CCDC171: variants seen among roughly 807,000 people sequenced by gnomAD.
CCDC171 encodes the protein coiled-coil domain-containing protein 171.
Under a neutral mutation model 168.2 loss-of-function variants are expected in CCDC171, and 177 were observed. The observed-to-expected ratio is 1.05, with a 90% CI of 0.93 to 1.19. The LOEUF (loss-of-function observed/expected upper bound fraction) is 1.19, where lower values mean the gene tolerates loss of function less well. Among genes scored for constraint, CCDC171 ranks in the 50% most tolerant of loss-of-function variants. The probability of loss-of-function intolerance (pLI) is 0.00; values close to 1 mark genes in which losing one functional copy is unlikely to be tolerated. For missense variants in CCDC171, 1,991 were observed against 1,539.0 expected (o/e 1.29, Z -4.91); for synonymous variants, 687 against 540.8 (o/e 1.27, Z -3.75).
chr9:15,697,872 A>G (rs1451033035), intron 11 of CCDC171, among the ~76,000 whole-genome samples: 12 of 152,158 alleles, frequency 7.9e-5, no homozygotes, highest in Non-Finnish European at 1.5e-5. Context: ...TGGATACAGA[A>G]TAATTTTACA....
chr9:15,799,158 A>ATATATATG (rs1554820213), intron 21 of CCDC171, among the ~76,000 whole-genome samples: 8 of 143,946 alleles, frequency 5.6e-5, no homozygotes, highest in Admixed American at 4.2e-4. Context: ...ATATATATAT[A>ATATATATG]TATATATACC....
intron 25 of CCDC171, among the ~76,000 whole-genome samples, chr9:15,966,297 A>G (rs1830779438): frequency 6.6e-6 from 1 of 152,206 alleles, no homozygotes. Flanking sequence ...AACAAAGAGC[A>G]GAATTGGACA....
chr9:15,729,569 T>C, intron 15 of CCDC171, 41 bp from the exon 16 acceptor site: 1 of 1,350,942 alleles, frequency 7.4e-7, no homozygotes, highest in East Asian at 2.3e-5. Flanking sequence ...AAGAAATAGC[T>C]TGTGAGCATA....
chr9:15,730,995 A>T (rs1354368408), intron 16 of CCDC171, among the ~76,000 whole-genome samples: 1 of 152,082 alleles, frequency 6.6e-6, no homozygotes, highest in African/African-American at 2.4e-5. Flanking sequence ...ATTTTGATAT[A>T]TGCATAGAAT....
chr9:15,604,076 C>A lies in CCDC171; in HGVS notation c.675+9904C>A, dbSNP rs1253793989. Among the ~76,000 whole-genome samples, 5 of 140,044 alleles carry A rather than the reference C, an allele frequency of 3.6e-5. No homozygotes were observed. In the East Asian group the frequency reaches 1.1e-3, roughly 30 times the overall value. The allele number at this position is 140,044 out of a possible 152,430, so 91.9% of individuals were successfully genotyped here. On this transcript the variant is annotated intron_variant, in intron 6 of 25. Coordinates refer to ENST00000380701, the MANE Select transcript of CCDC171 (RefSeq NM_173550.4). Reference sequence around the variant, plus strand: ...TTTTTGAGAAGTGTCTGTTTATGTCCTTTGCCCACTTTTTGATGGTTTTTT... The same window carrying A: ...TTTTTGAGAAGTGTCTGTTTATGTCATTTGCCCACTTTTTGATGGTTTTTT...
chr9:15,879,939 A>G (rs1391495731), intron 24 of CCDC171, among the ~76,000 whole-genome samples: 1 of 152,136 alleles, frequency 6.6e-6, no homozygotes, highest in East Asian at 1.9e-4. Flanking sequence ...CCCCTGCAAG[A>G]CTTCTATTAG....
intron 24 of CCDC171, among the ~76,000 whole-genome samples, chr9:15,899,262 T>C (rs1176819716): frequency 1.3e-5 from 2 of 152,232 alleles, no homozygotes; most frequent in African/African-American, 4.8e-5. Context: ...TTGTTGTTTC[T>C]GGATTTCGGC....
intron 14 of CCDC171, among the ~76,000 whole-genome samples, 194 bp from the exon 15 acceptor site, chr9:15,727,675 A>T (rs919141400): frequency 6.6e-6 from 1 of 152,150 alleles, no homozygotes; most frequent in African/African-American, 2.4e-5. Context: ...TTGAATACCA[A>T]GTGTAAGCAA....
intron 14 of CCDC171, among the ~76,000 whole-genome samples, chr9:15,727,384 T>C (rs758324431): frequency 6.6e-6 from 1 of 152,212 alleles, no homozygotes; most frequent in Non-Finnish European, 1.5e-5. Context: ...AGTACAGATA[T>C]TGGTATAACT....
At chr9:15,869,668 A>G (rs909859891) in intron 23 of CCDC171, among the ~76,000 whole-genome samples, 1 of 151,796 alleles carries the variant, frequency 6.6e-6, no homozygotes, top group Non-Finnish European at 1.5e-5. Flanking sequence ...AGGTACTAGA[A>G]TAAGTGGTCA....
chr9:15,878,003 G>A (rs1427250657), intron 24 of CCDC171, among the ~76,000 whole-genome samples: 1 of 152,082 alleles, frequency 6.6e-6, no homozygotes, highest in Non-Finnish European at 1.5e-5. Flanking sequence ...AGACTTAAAT[G>A]TAAATCCTTA....
intron 20 of CCDC171, among the ~76,000 whole-genome samples, chr9:15,780,799 G>A (rs540286917): frequency 6.6e-6 from 1 of 152,072 alleles, no homozygotes; most frequent in Non-Finnish European, 1.5e-5. Context: ...TTAGTTAAAT[G>A]AATACTAGTG....
intron 25 of CCDC171, among the ~76,000 whole-genome samples, chr9:15,965,959 A>G (rs895499785): frequency 1.3e-5 from 2 of 152,240 alleles, no homozygotes; most frequent in African/African-American, 4.8e-5. Context: ...AATAACAATA[A>G]AACACCAAGA....
intron 7 of CCDC171, among the ~76,000 whole-genome samples, chr9:15,654,317 T>G (rs1425049988): frequency 6.6e-6 from 1 of 152,218 alleles, no homozygotes; most frequent in Non-Finnish European, 1.5e-5. Context: ...ATTTTGTGAT[T>G]TTCATGTTTG....
At chr9:15,916,499 T>C (rs1451869527) in intron 24 of CCDC171, among the ~76,000 whole-genome samples, 1 of 152,032 alleles carries the variant, frequency 6.6e-6, no homozygotes, top group Non-Finnish European at 1.5e-5. Context: ...TACTCAAAAA[T>C]GTAGATAAAA....
At chr9:15,898,311 C>T (rs1304051379) in intron 24 of CCDC171, among the ~76,000 whole-genome samples, 2 of 152,058 alleles carry the variant, frequency 1.3e-5, no homozygotes, top group African/African-American at 4.8e-5. Flanking sequence ...ATGGGTTTGC[C>T]TTTGAGTGGA....
intron 11 of CCDC171, among the ~76,000 whole-genome samples, chr9:15,719,652 A>C (rs1588130225): frequency 6.6e-6 from 1 of 152,290 alleles, no homozygotes; most frequent in South Asian, 2.1e-4. Context: ...TCAGGAAATA[A>C]AACTTTATTT....
chr9:15,687,712 G>A (rs2382531), intron 10 of CCDC171, among the ~76,000 whole-genome samples: 142,401 of 152,296 alleles, frequency 0.94, 66,675 homozygotes, highest in East Asian at 1. Context: ...TACTGACCAC[G>A]CAGAAATAGA....
chr9:15,721,271 G>C (rs928118465), intron 11 of CCDC171, among the ~76,000 whole-genome samples: 4 of 151,898 alleles, frequency 2.6e-5, no homozygotes, highest in African/African-American at 9.7e-5. Flanking sequence ...ATATACTCTT[G>C]GGTTCAGAAA....
Sources: allele counts gnomAD v4.1 joint callset (sites outside exome capture counted in the v4.1 genomes callset), GRCh38; gene constraint gnomAD v4.1.1; transcripts MANE v1.5; gene names NCBI Gene and HGNC (gene_info 2026-07-23, HGNC 2026-07-21).